STPG2: variants seen among roughly 807,000 people sequenced by gnomAD.
STPG2 encodes the protein sperm tail PG-rich repeat containing 2, also known as sperm-tail PG-rich repeat-containing protein 2.
A neutral mutation model predicts 54.2 loss-of-function variants in STPG2; 56 were observed. The observed-to-expected ratio is 1.03, with a 90% CI of 0.83 to 1.29. The LOEUF (loss-of-function observed/expected upper bound fraction) is 1.29. STPG2 is among the 50% of genes most tolerant of loss of function. The pLI, the probability that STPG2 is intolerant of heterozygous loss-of-function variation, is 0.00. For missense variants in STPG2, 596 were observed against 544.9 expected, an observed-to-expected ratio of 1.09 and a Z score of -0.93; for synonymous variants, 200 against 181.8, an observed-to-expected ratio of 1.10 and a Z score of -0.81.
intron 7 of STPG2, among the ~76,000 whole-genome samples, chr4:97,948,602 G>A (rs1350354586): frequency 4.6e-5 from 7 of 151,964 alleles, no homozygotes; most frequent in Admixed American, 4.6e-4. Context: ...CAGAAGTTTT[G>A]ATGACTCATG....
chr4:97,595,676 T>C (rs1340306186), intron 10 of STPG2, among the ~76,000 whole-genome samples: 2 of 151,868 alleles, frequency 1.3e-5, no homozygotes, highest in Non-Finnish European at 1.5e-5. Flanking sequence ...GTAAGCCTCA[T>C]AAGCAAAGGA....
chr4:97,923,527 G>T (rs13138536), intron 8 of STPG2, among the ~76,000 whole-genome samples: 56,697 of 152,026 alleles, frequency 0.37, 10,644 homozygotes, highest in Middle Eastern at 0.45. Context: ...TCTAGCTAAG[G>T]GATTGTGAAT....
chr4:97,969,780 C>T (rs1020751869), intron 7 of STPG2, among the ~76,000 whole-genome samples: 7 of 152,182 alleles, frequency 4.6e-5, no homozygotes, highest in African/African-American at 1.7e-4. Flanking sequence ...CTCACCACTC[C>T]TATTCAACAT....
intron 8 of STPG2, among the ~76,000 whole-genome samples, chr4:97,936,024 T>C (rs772682675): frequency 2.0e-5 from 3 of 152,200 alleles, no homozygotes; most frequent in Non-Finnish European, 4.4e-5. Context: ...AGTCTCTTCG[T>C]AGGTCTCTAA....
At chr4:98,025,612 T>C in intron 5 of STPG2, 1 of 757,330 alleles carries the variant, frequency 1.3e-6, no homozygotes, top group South Asian at 1.4e-5. Flanking sequence ...TAATAGTCTG[T>C]GCAGCATATG....
chr4:97,745,473 C>T (rs114505559), intron 9 of STPG2, among the ~76,000 whole-genome samples: 2,903 of 151,012 alleles, frequency 0.019, 59 homozygotes, highest in East Asian at 0.052. Context: ...TTTAGAAAAT[C>T]ATTTTTTATA....
At chr4:97,653,128 TAGATAGAC>T (rs1722121147) in intron 10 of STPG2, among the ~76,000 whole-genome samples, 3 of 151,928 alleles carry the variant, frequency 2.0e-5, no homozygotes, top group Non-Finnish European at 4.4e-5. Context: ...GATAGATAGA[TAGATAGAC>T]AGATACTATC....
intron 9 of STPG2, among the ~76,000 whole-genome samples, chr4:97,794,132 G>A (rs1200592420): frequency 1.3e-5 from 2 of 151,928 alleles, no homozygotes; most frequent in Non-Finnish European, 2.9e-5. Context: ...TTCCCCAAAT[G>A]CTATACTTTA....
chr4:97,673,575 C>A (rs1484695342), intron 10 of STPG2, among the ~76,000 whole-genome samples: 1 of 152,194 alleles, frequency 6.6e-6, no homozygotes, highest in Non-Finnish European at 1.5e-5. Context: ...ATCTCCCCTT[C>A]TTTCAAAAGT....
chr4:97,902,812 T>C (rs1032841795), intron 8 of STPG2, among the ~76,000 whole-genome samples: 3 of 152,088 alleles, frequency 2.0e-5, no homozygotes, highest in African/African-American at 7.2e-5. Flanking sequence ...CCAAAAGAAA[T>C]AAAATCAGTA....
At chr4:97,578,137 T>C (rs1367439492) in intron 10 of STPG2, among the ~76,000 whole-genome samples, 1 of 146,694 alleles carries the variant, frequency 6.8e-6, no homozygotes. Flanking sequence ...GAGTCTCTTA[T>C]GCTGTCACCC....
chr4:97,889,932 C>G lies in STPG2; in HGVS notation c.1045-49000G>C, dbSNP rs542558824. On this transcript the variant is annotated intron_variant, in intron 8 of 10. Transcript: ENST00000295268. ...TAAAAGTAGTTCAAGCAATGCTTGC[C>G]CTCCCTCAAAAAGAGTTGGAAGACA... 2.0e-5 allele frequency among the ~76,000 whole-genome samples: 3 copies of G among 151,978 alleles called. No homozygotes were observed. The South Asian group carries it at 6.2e-4, about 32-fold the overall frequency.
chr4:98,050,267 A>G (rs934540520), intron 5 of STPG2, among the ~76,000 whole-genome samples: 1 of 152,198 alleles, frequency 6.6e-6, no homozygotes, highest in Non-Finnish European at 1.5e-5. Context: ...AAATGTTTAC[A>G]GATTAAAATA....
intron 5 of STPG2, among the ~76,000 whole-genome samples, chr4:98,098,448 T>G (rs1738926528): frequency 6.6e-6 from 1 of 152,192 alleles, no homozygotes; most frequent in South Asian, 2.1e-4. Flanking sequence ...GACCTCTCTC[T>G]CTTGCCTTAC....
intron 7 of STPG2, among the ~76,000 whole-genome samples, chr4:97,947,030 G>A (rs922516226): frequency 2.0e-5 from 3 of 152,108 alleles, no homozygotes; most frequent in African/African-American, 7.2e-5. Flanking sequence ...GTGAGAATGG[G>A]ATGTGTTTCC....
intron 8 of STPG2, among the ~76,000 whole-genome samples, chr4:97,929,894 GTTT>G (rs1002846247): frequency 6.6e-6 from 1 of 151,704 alleles, no homozygotes; most frequent in East Asian, 1.9e-4. Context: ...CCATCTTCCA[GTTT>G]TTTTGTTTGT....
chr4:97,892,102 A>G (rs902683023), intron 8 of STPG2, among the ~76,000 whole-genome samples: 6 of 152,050 alleles, frequency 3.9e-5, no homozygotes, highest in Non-Finnish European at 8.8e-5. Flanking sequence ...TACTTATCAC[A>G]CCCTATTATA....
At chr4:97,758,965 C>T (rs957221142) in intron 9 of STPG2, among the ~76,000 whole-genome samples, 1 of 151,596 alleles carries the variant, frequency 6.6e-6, no homozygotes, top group Non-Finnish European at 1.5e-5. Flanking sequence ...GGAAGCCCTG[C>T]AAAAGACAGA....
intron 4 of STPG2, among the ~76,000 whole-genome samples, chr4:97,462,860 ACT>A (rs1169560981): frequency 6.6e-6 from 1 of 151,942 alleles, no homozygotes; most frequent in Non-Finnish European, 1.5e-5. Flanking sequence ...TGGACTGAGA[ACT>A]CCAGTATAGA....
Sources: gnomAD v4.1 joint callset for allele counts (sites outside exome capture counted in the v4.1 genomes callset) on GRCh38, gnomAD v4.1.1 for gene constraint, MANE v1.5 for transcripts, NCBI Gene and HGNC (gene_info 2026-07-23, HGNC 2026-07-21) for gene names.